Variants in TMEM196 observed in about 807,000 individuals in gnomAD.
TMEM196 encodes transmembrane protein 196.
TMEM196 carries 17 observed loss-of-function variants against 20.0 expected under a neutral mutation model. The ratio of observed to expected loss-of-function variants is 0.85; its 90% CI spans 0.58 to 1.27. The LOEUF (loss-of-function observed/expected upper bound fraction) is 1.27, where lower values mean the gene tolerates loss of function less well. Ranked by LOEUF, TMEM196 falls within the 50% of genes most tolerant of loss-of-function variation. The pLI is 0.00. For synonymous variants in TMEM196, 113 were observed against 88.9 expected (o/e 1.27, Z -1.52); for missense variants, 267 against 223.0 (o/e 1.20, Z -1.26).
chr7:19,764,319 A>G (rs1403291599), intron 1 of TMEM196, among the ~76,000 whole-genome samples: 1 of 152,188 alleles, frequency 6.6e-6, no homozygotes, highest in Non-Finnish European at 1.5e-5. Flanking sequence ...CTCCAAGCCT[A>G]GCAGGGTATC....
chr7:19,721,918 A>G lies in TMEM196; in HGVS notation c.*210T>C. 1 of 638,664 alleles carries G rather than the reference A, an allele frequency of 1.6e-6. No individual in the cohort carries two copies. Among genetic ancestry groups the G allele is most frequent in the Non-Finnish European group, 2.6e-6 (1 of 385,102 alleles). The allele number at this position is 638,664 out of a possible 1,614,324, so 39.6% of individuals were successfully genotyped here. A position where few individuals can be genotyped will look rare whatever the true frequency, so the allele number is the denominator to read the frequency against. The stretch of plus-strand genomic sequence containing the variant: ...TTTTTTACCCCATAAAAAAGGGTGG[A>G]GAAACCAGTGAGGCAATATATTTTT... On this transcript the variant is annotated 3_prime_UTR_variant, in exon 5 of 5. Coordinates refer to ENST00000405844, the MANE Select transcript of TMEM196 (RefSeq NM_001363562.2).
chr7:19,720,792 A>G lies in TMEM196; in HGVS notation c.*1336T>C, dbSNP rs113013115. On this transcript the variant is annotated 3_prime_UTR_variant, in exon 5 of 5. Transcript: ENST00000405844. Reference sequence around the variant, plus strand: ...AGGCTTTCTTATATATGGACTGCCTATATTATTTCATGAGAATCGTAAAAC... The same window carrying G: ...AGGCTTTCTTATATATGGACTGCCTGTATTATTTCATGAGAATCGTAAAAC... 2.7e-4 allele frequency: 41 copies of G among 151,996 alleles called. 1 individual carries two copies. Among genetic ancestry groups the G allele is most frequent in the African/African-American group, 7.5e-4 (31 of 41,538 alleles). 9.4% of individuals were successfully genotyped at this position (151,996 alleles called of 1,614,324 possible). A position where few individuals can be genotyped will look rare whatever the true frequency, so the allele number is the denominator to read the frequency against.
chr7:19,744,083 AG>A (rs915914100), intron 1 of TMEM196, among the ~76,000 whole-genome samples: 3 of 152,184 alleles, frequency 2.0e-5, no homozygotes, highest in Non-Finnish European at 2.9e-5. Context: ...TATAAACTTA[AG>A]CTAATAAAAG....
intron 1 of TMEM196, among the ~76,000 whole-genome samples, chr7:19,753,357 C>G (rs906742506): frequency 6.6e-6 from 1 of 152,128 alleles, no homozygotes; most frequent in African/African-American, 2.4e-5. Flanking sequence ...TACAATTTAT[C>G]TAAACTCATT....
At chr7:19,771,384 G>GA (rs923276895) in intron 1 of TMEM196, among the ~76,000 whole-genome samples, 23 of 152,016 alleles carry the variant, frequency 1.5e-4, no homozygotes, top group Middle Eastern at 3.4e-3. Context: ...TATCTCACCT[G>GA]AAAAAATATA....
chr7:19,768,223 G>A lies in TMEM196; in HGVS notation c.147+4327C>T, dbSNP rs554809284. ...TTTAAATATTTAAAAATACTACCTC[G>A]TGGTTTACATGTGGGAGAACTAGGC... On this transcript the variant is annotated intron_variant, in intron 1 of 4. Transcript: ENST00000405844. Among the ~76,000 whole-genome samples, 16 of 152,094 alleles carry A rather than the reference G, an allele frequency of 1.1e-4. No homozygotes were observed. In the East Asian group the frequency reaches 1.7e-3, roughly 17 times the overall value.
intron 1 of TMEM196, among the ~76,000 whole-genome samples, chr7:19,761,977 T>C (rs1388977468): frequency 2.0e-5 from 3 of 152,338 alleles, no homozygotes; most frequent in East Asian, 1.9e-4. Context: ...TGTGTTCTGT[T>C]CCAATTCTGT....
intron 1 of TMEM196, among the ~76,000 whole-genome samples, chr7:19,769,644 A>T (rs1164144204): frequency 6.6e-6 from 1 of 152,138 alleles, no homozygotes; most frequent in Non-Finnish European, 1.5e-5. Flanking sequence ...TCAGCCCTTT[A>T]TATTCCCAAG....
At chr7:19,738,474 T>C (rs539970472) in intron 1 of TMEM196, among the ~76,000 whole-genome samples, 135 of 152,194 alleles carry the variant, frequency 8.9e-4, no homozygotes, top group African/African-American at 3.1e-3. Flanking sequence ...AGGAGCAACA[T>C]GCCAGTATCA....
intron 1 of TMEM196, among the ~76,000 whole-genome samples, chr7:19,742,781 A>C (rs896300773): frequency 3.9e-5 from 6 of 152,094 alleles, no homozygotes; most frequent in Non-Finnish European, 8.8e-5. Context: ...TTGGAATGAC[A>C]TGGGGATACT....
rs112508027 is a variant in TMEM196 at position 19,730,559 on chromosome 7, C to T, written c.148-1121G>A. Among the ~76,000 whole-genome samples, 9 of 152,176 alleles carry T rather than the reference C, an allele frequency of 5.9e-5. No individual in the cohort carries two copies. In the East Asian group the frequency reaches 7.7e-4, roughly 13 times the overall value. ...CAGATTTGTAAAGAAAATTTTTATT[C>T]GCAAAGAGAACTAGTTTTCACTGTT... On this transcript the variant is annotated intron_variant, in intron 1 of 4. Transcript: ENST00000405844.
At chr7:19,734,075 CA>C (rs1784309239) in intron 1 of TMEM196, among the ~76,000 whole-genome samples, 1 of 151,772 alleles carries the variant, frequency 6.6e-6, no homozygotes, top group Non-Finnish European at 1.5e-5. Context: ...GCACTCACAT[CA>C]AAAAAAATTT....
chr7:19,764,922 CG>C, intron 1 of TMEM196, among the ~76,000 whole-genome samples: 1 of 151,948 alleles, frequency 6.6e-6, no homozygotes, highest in African/African-American at 2.4e-5. Context: ...CAGGCCTCAG[CG>C]AAAGTTTTTC....
chr7:19,720,441 C>T lies in TMEM196; in HGVS notation c.*1687G>A, dbSNP rs990213548. 6.6e-6 allele frequency: 1 copy of T among 151,880 alleles called. No individual in the cohort carries two copies. Among genetic ancestry groups the T allele is most frequent in the Non-Finnish European group, 1.5e-5 (1 of 67,874 alleles). 9.4% of individuals were successfully genotyped at this position (151,880 alleles called of 1,614,324 possible). A position where few individuals can be genotyped will look rare whatever the true frequency, so the allele number is the denominator to read the frequency against. ...TTTGTTTATAAATTATATTCTCATA[C>T]TGAACAGTAAATATTTTAATTTACC... On this transcript the variant is annotated 3_prime_UTR_variant, in exon 5 of 5. Coordinates refer to ENST00000405844, the MANE Select transcript of TMEM196 (RefSeq NM_001363562.2).
chr7:19,752,034 T>A (rs16872381), intron 1 of TMEM196, among the ~76,000 whole-genome samples: 7,258 of 152,298 alleles, frequency 0.048, 588 homozygotes, highest in African/African-American at 0.16. Context: ...GTCTTCGAAA[T>A]GCTACCAATC....
At chr7:19,733,902 C>A (rs1434599346) in intron 1 of TMEM196, among the ~76,000 whole-genome samples, 1 of 152,138 alleles carries the variant, frequency 6.6e-6, no homozygotes, top group Non-Finnish European at 1.5e-5. Flanking sequence ...TTGACAACAA[C>A]AAAACACTTT....
At chr7:19,740,113 A>C (rs1403264682) in intron 1 of TMEM196, among the ~76,000 whole-genome samples, 1 of 152,176 alleles carries the variant, frequency 6.6e-6, no homozygotes, top group Non-Finnish European at 1.5e-5. Flanking sequence ...GAGCAGTCCC[A>C]AATGTCAGTC....
chr7:19,741,500 T>G (rs182401957), intron 1 of TMEM196, among the ~76,000 whole-genome samples: 1 of 152,286 alleles, frequency 6.6e-6, no homozygotes, highest in Admixed American at 6.5e-5. Context: ...ATTTAAACAT[T>G]TGAAAACAGT....
intron 1 of TMEM196, among the ~76,000 whole-genome samples, chr7:19,745,872 A>T (rs1424494778): frequency 6.6e-6 from 1 of 151,604 alleles, no homozygotes; most frequent in African/African-American, 2.4e-5. Context: ...AATAAAAATT[A>T]TGGTCTTTTG....
Sources: gnomAD v4.1 joint callset for allele counts (sites outside exome capture counted in the v4.1 genomes callset) on GRCh38, gnomAD v4.1.1 for gene constraint, MANE v1.5 for transcripts, NCBI Gene and HGNC (gene_info 2026-07-23, HGNC 2026-07-21) for gene names.